Variants in DLEU7 observed in about 807,000 individuals in gnomAD.
DLEU7 encodes the protein deleted in lymphocytic leukemia 7, also known as leukemia-associated protein 7.
A neutral mutation model predicts 16.0 loss-of-function variants in DLEU7; 17 were observed. The observed-to-expected ratio is 1.06, with a 90% confidence interval of 0.73 to 1.59. The LOEUF is 1.59. Among genes scored for constraint, DLEU7 ranks in the 40% most tolerant of loss-of-function variants. The probability of loss-of-function intolerance (pLI) is 0.00; values close to 1 mark genes in which losing one functional copy is unlikely to be tolerated. For synonymous variants in DLEU7, 113 were observed against 139.8 expected, an observed-to-expected ratio of 0.81 and a Z score of 1.35; for missense variants, 308 against 314.9, an observed-to-expected ratio of 0.98 and a Z score of 0.17.
chr13:50,818,032 T>C (rs1011102026), downstream of DLEU7, among the ~76,000 whole-genome samples: 1 of 152,114 alleles, frequency 6.6e-6, no homozygotes, highest in Admixed American at 6.6e-5. Context: ...TTCATTACTA[T>C]AGATCATCTA....
At chr13:50,815,870 C>A (rs1876717457) in intron 1 of DLEU7, among the ~76,000 whole-genome samples, 1 of 152,018 alleles carries the variant, frequency 6.6e-6, no homozygotes. Context: ...ACAAAACTAC[C>A]CCACTTTTTT....
At chr13:50,737,728 T>C (rs573291039) in intron 1 of DLEU7, among the ~76,000 whole-genome samples, 2 of 152,222 alleles carry the variant, frequency 1.3e-5, no homozygotes, top group African/African-American at 4.8e-5. Flanking sequence ...TCTAATTCCC[T>C]GAGACACAAC....
At chr13:50,732,057 T>A (rs1873926653) in intron 1 of DLEU7, among the ~76,000 whole-genome samples, 2 of 152,232 alleles carry the variant, frequency 1.3e-5, no homozygotes, top group African/African-American at 4.8e-5. Context: ...GTCGTGTGCA[T>A]CTTGGCTGTC....
At position 50,808,388 on chromosome 13, in the gene DLEU7, T is replaced by A. The variant is rs1876457437; in HGVS notation, c.459+34800A>T. ...TAAATATGTAATATATCAAGATCTG[T>A]TAGACATATTTAAGTATATATACTT... On this transcript the variant is annotated intron_variant, in intron 1 of 1. Coordinates refer to the DLEU7 transcript ENST00000400393. 1.3e-5 allele frequency among the ~76,000 whole-genome samples: 2 copies of A among 152,142 alleles called. 1 individual carries two copies. Among genetic ancestry groups the A allele is most frequent in the South Asian group, 4.1e-4 (2 of 4,834 alleles).
intron 1 of DLEU7, among the ~76,000 whole-genome samples, chr13:50,733,168 T>G (rs1593532666): frequency 6.6e-6 from 1 of 152,176 alleles, no homozygotes; most frequent in Admixed American, 6.5e-5. Flanking sequence ...GAGAAAGCGT[T>G]TTAAAAACAG....
intron 1 of DLEU7, among the ~76,000 whole-genome samples, chr13:50,744,493 G>A (rs185064852): frequency 2.4e-4 from 37 of 152,176 alleles, no homozygotes; most frequent in African/African-American, 8.4e-4. Flanking sequence ...TAGCAATTTC[G>A]CAAATTCTGT....
chr13:50,795,495 A>T (rs1396590847), intron 1 of DLEU7, among the ~76,000 whole-genome samples: 3 of 152,194 alleles, frequency 2.0e-5, no homozygotes, highest in African/African-American at 7.2e-5. Context: ...AGTGGAGATG[A>T]TGTGAAAAAG....
At chr13:50,833,109 C>G (rs1347864090) in intron 1 of DLEU7, among the ~76,000 whole-genome samples, 2 of 152,122 alleles carry the variant, frequency 1.3e-5, no homozygotes, top group East Asian at 3.8e-4. Context: ...TGGGCAAAAG[C>G]TGGAAGCATT....
chr13:50,736,109 T>A (rs1418049964), intron 1 of DLEU7, among the ~76,000 whole-genome samples: 2 of 152,138 alleles, frequency 1.3e-5, no homozygotes, highest in Non-Finnish European at 2.9e-5. Flanking sequence ...TCAATCTAAA[T>A]ACCCATCCAT....
chr13:50,766,010 A>G (rs1821174954), intron 1 of DLEU7, among the ~76,000 whole-genome samples: 1 of 151,740 alleles, frequency 6.6e-6, no homozygotes, highest in South Asian at 2.1e-4. Context: ...TCTTAAATGT[A>G]CTCTTTAGTA....
intron 1 of DLEU7, among the ~76,000 whole-genome samples, chr13:50,770,178 C>T (rs149777322): frequency 0.011 from 1,724 of 152,214 alleles, 28 homozygotes; most frequent in African/African-American, 0.038. Flanking sequence ...GGAGCCAAGA[C>T]GATGGGGTTT....
At chr13:50,758,851 A>G (rs987857018) in intron 1 of DLEU7, among the ~76,000 whole-genome samples, 2 of 152,178 alleles carry the variant, frequency 1.3e-5, no homozygotes, top group African/African-American at 2.4e-5. Context: ...GCACTCCTTT[A>G]CTTAGCTATT....
At chr13:50,714,996 G>A (rs1025596851) in intron 1 of DLEU7, among the ~76,000 whole-genome samples, 5 of 152,194 alleles carry the variant, frequency 3.3e-5, no homozygotes, top group African/African-American at 1.2e-4. Flanking sequence ...CTCTAATGAA[G>A]CATCTGTTTC....
At chr13:50,796,522 C>T (rs4941675) in intron 1 of DLEU7, among the ~76,000 whole-genome samples, 4,352 of 152,226 alleles carry the variant, frequency 0.029, 101 homozygotes, top group Admixed American at 0.063. Context: ...ATGAATTGTT[C>T]ATTTCTGCAA....
chr13:50,769,004 G>T (rs1316690654), intron 1 of DLEU7, among the ~76,000 whole-genome samples: 1 of 152,188 alleles, frequency 6.6e-6, no homozygotes, highest in African/African-American at 2.4e-5. Flanking sequence ...GTATCTCACT[G>T]TGGTTTTGAT....
At chr13:50,794,388 G>T (rs1876052029) in intron 1 of DLEU7, among the ~76,000 whole-genome samples, 1 of 151,982 alleles carries the variant, frequency 6.6e-6, no homozygotes, top group South Asian at 2.1e-4. Context: ...CATCAGAGCA[G>T]GATTATGTCC....
At chr13:50,774,722 G>T (rs1276927636) in intron 1 of DLEU7, among the ~76,000 whole-genome samples, 1 of 151,166 alleles carries the variant, frequency 6.6e-6, no homozygotes. Context: ...TCTTAAATGT[G>T]TGTCAGACCT....
chr13:50,785,755 C>T (rs900097903), intron 1 of DLEU7, among the ~76,000 whole-genome samples: 5 of 152,308 alleles, frequency 3.3e-5, no homozygotes, highest in East Asian at 1.9e-4. Context: ...CACTTCAAAA[C>T]GTCATGGGAA....
intron 1 of DLEU7, among the ~76,000 whole-genome samples, chr13:50,779,072 G>A (rs1379668117): frequency 6.6e-6 from 1 of 152,164 alleles, no homozygotes; most frequent in Non-Finnish European, 1.5e-5. Context: ...GTGTTCCTGG[G>A]ATTGTAGATT....
Sources: allele counts gnomAD v4.1 joint callset (sites outside exome capture counted in the v4.1 genomes callset), GRCh38; gene constraint gnomAD v4.1.1; transcripts MANE v1.5; gene names NCBI Gene and HGNC (gene_info 2026-07-23, HGNC 2026-07-21).